Variants in HIVEP1 observed in about 807,000 individuals in gnomAD.
The protein encoded by HIVEP1 is HIVEP zinc finger 1, also known as zinc finger protein 40.
In HIVEP1, 36 loss-of-function variants were observed where a neutral mutation model predicts 180.0. That is an observed-to-expected ratio of 0.20 (90% CI 0.15 to 0.26). The LOEUF is 0.26. HIVEP1 is among the 10% of genes least tolerant of loss of function. The probability of loss-of-function intolerance (pLI) is 1.00; values close to 1 mark genes in which losing one functional copy is unlikely to be tolerated. For missense variants in HIVEP1, 3,143 were observed against 3,268.7 expected, an observed-to-expected ratio of 0.96 and a Z score of 0.94; for synonymous variants, 1,239 against 1,239.0, an observed-to-expected ratio of 1.00 and a Z score of 0.00.
At chr6:12,054,941 C>T (rs931689700) in intron 2 of HIVEP1, among the ~76,000 whole-genome samples, 3 of 152,198 alleles carry the variant, frequency 2.0e-5, no homozygotes, top group African/African-American at 2.4e-5. Flanking sequence ...TCAGTTTGAT[C>T]TACTTTCATT....
chr6:12,051,018 A>ATATATATATATATATATGTG (rs1475506663), intron 2 of HIVEP1, among the ~76,000 whole-genome samples: 49 of 138,394 alleles, frequency 3.5e-4, no homozygotes, highest in African/African-American at 1.3e-3. Flanking sequence ...ATATATATAT[A>ATATATATATATATATATGTG]TATATATATA....
the HIVEP1 span, among the ~76,000 whole-genome samples, chr6:12,194,128 T>C: frequency 6.6e-6 from 1 of 152,182 alleles, no homozygotes; most frequent in Non-Finnish European, 1.5e-5. Flanking sequence ...TCATTAATGA[T>C]GTTTATTGAT....
chr6:12,114,145 A>C (rs529246581), intron 3 of HIVEP1, among the ~76,000 whole-genome samples: 1 of 152,210 alleles, frequency 6.6e-6, no homozygotes, highest in Non-Finnish European at 1.5e-5. Flanking sequence ...TATCCCCAGG[A>C]GAGCGCCTGT....
At chr6:12,046,519 G>A (rs958592838) in intron 2 of HIVEP1, among the ~76,000 whole-genome samples, 1 of 152,146 alleles carries the variant, frequency 6.6e-6, no homozygotes, top group African/African-American at 2.4e-5. Context: ...GGTGGCTCAC[G>A]CCTGTAATCT....
At chr6:12,114,718 G>A (rs1775112192) in intron 3 of HIVEP1, among the ~76,000 whole-genome samples, 1 of 152,166 alleles carries the variant, frequency 6.6e-6, no homozygotes, top group Non-Finnish European at 1.5e-5. Flanking sequence ...TTAAGTGGCT[G>A]TGCCATAATT....
rs138682214 is a variant in HIVEP1, at chr6:12,062,815, G to A, written c.41-26369G>A. Among the ~76,000 whole-genome samples, 186 of 152,306 alleles carry A rather than the reference G, an allele frequency of 1.2e-3. 1 individual carries two copies. The highest frequency in any genetic ancestry group is 4.1e-3 in the African/African-American group (169 of 41,562). On this transcript the variant is annotated intron_variant, in intron 2 of 8. Coordinates refer to ENST00000379388, the MANE Select transcript of HIVEP1 (RefSeq NM_002114.4). ...TGAGAGAAGTTTCTAACACCCACAC[G>A]TTACTGTCATTTTGCGTATTGAAAG...
chr6:12,204,643 G>C, the HIVEP1 span, among the ~76,000 whole-genome samples: 2 of 152,162 alleles, frequency 1.3e-5, no homozygotes, highest in Non-Finnish European at 2.9e-5. Context: ...CCTAGTAATA[G>C]TCACCTAATT....
chr6:12,101,965 A>G (rs1774139563), intron 3 of HIVEP1, among the ~76,000 whole-genome samples: 1 of 138,226 alleles, frequency 7.2e-6, no homozygotes, highest in African/African-American at 2.7e-5. Flanking sequence ...GTTAATATCA[A>G]AAGGGACTTC....
At chr6:12,078,672 T>C (rs13213525) in intron 2 of HIVEP1, among the ~76,000 whole-genome samples, 2 of 128,786 alleles carry the variant, frequency 1.6e-5, no homozygotes, top group Non-Finnish European at 3.7e-5. Flanking sequence ...TACATATATA[T>C]ACACACACTA....
At chr6:12,011,136 T>A (rs1767257497), upstream of HIVEP1, among the ~76,000 whole-genome samples, 1 of 152,202 alleles carries the variant, frequency 6.6e-6, no homozygotes, top group Non-Finnish European at 1.5e-5. Flanking sequence ...GGTTAACATG[T>A]CCCCTTCCAC....
At chr6:12,107,772 G>C (rs960789836) in intron 3 of HIVEP1, among the ~76,000 whole-genome samples, 10 of 152,174 alleles carry the variant, frequency 6.6e-5, no homozygotes, top group African/African-American at 1.9e-4. Flanking sequence ...GGACCCGAGC[G>C]GGTTGCCACT....
chr6:12,123,589 G>A lies in HIVEP1; in HGVS notation c.3794G>A (p.Arg1265His), dbSNP rs368115054. 1.4e-5 allele frequency: 23 copies of A among 1,614,062 alleles called. No individual in the cohort carries two copies. Among genetic ancestry groups the A allele is most frequent in the South Asian group, 3.3e-5 (3 of 91,084 alleles). The change falls in exon 4 of 9, where the codon CGT (arginine) becomes CAT (histidine). Residue 1265 changes from arginine to histidine, a missense_variant. This residue lies in a region of HIVEP1 where 1,357 missense variants were observed against 1,260.5 expected (regional missense o/e 1.08). Transcript: ENST00000379388. ...EKSEKFSWPQRSETLSKLPTE... is the reference protein window; with the variant it reads ...EKSEKFSWPQHSETLSKLPTE... ...TCAGAGAAGTTCAGTTGGCCCCAGC[G>A]TAGTGAAACCTTGTCAAAATTGCCA...
chr6:12,070,405 C>T (rs1041600183), intron 2 of HIVEP1, among the ~76,000 whole-genome samples: 4 of 151,960 alleles, frequency 2.6e-5, no homozygotes, highest in African/African-American at 4.8e-5. Context: ...ATGGATTTTT[C>T]GGCCGGGTGC....
chr6:12,211,181 C>T, the HIVEP1 span, among the ~76,000 whole-genome samples: 4 of 142,942 alleles, frequency 2.8e-5, no homozygotes, highest in Non-Finnish European at 6.0e-5. Context: ...GGGCGGATCA[C>T]GAGGTCAGGA....
At chr6:12,052,142 A>G (rs1770583150) in intron 2 of HIVEP1, among the ~76,000 whole-genome samples, 1 of 152,196 alleles carries the variant, frequency 6.6e-6, no homozygotes. Context: ...GCTTTAGATG[A>G]ATAAAGACAT....
chr6:12,104,393 C>G (rs375680435), intron 3 of HIVEP1, among the ~76,000 whole-genome samples: 1,511 of 96,712 alleles, frequency 0.016, 25 homozygotes, highest in African/African-American at 0.051. Flanking sequence ...TCTCTCTCTT[C>G]GTTTCTCTCT....
In HIVEP1 at chr6:12,163,569, G is replaced by A. The variant is rs74910145; in HGVS notation, c.7265G>A (p.Gly2422Glu). ...TYSTFVPLQA[G>E]PVQLTIPAVS... is the part of the protein sequence containing the mutation. ...TCCACGTTTGTGCCCCTTCAGGCTG[G>A]ACCAGTGCAGCTCACGATCCCTGCT... is the stretch of plus-strand genomic sequence containing the variant. Residue 2422 changes from glycine (G) to glutamate (E), a missense_variant, in exon 9 of 9, where the codon GGA becomes GAA. Transcript: ENST00000379388. 5.7e-4 allele frequency: 918 copies of A among 1,614,186 alleles called. No homozygotes were observed. Among genetic ancestry groups the A allele is most frequent in the Admixed American group, 7.2e-4 (43 of 60,028 alleles).
At chr6:12,071,085 C>T (rs946475117) in intron 2 of HIVEP1, among the ~76,000 whole-genome samples, 1 of 152,214 alleles carries the variant, frequency 6.6e-6, no homozygotes, top group Admixed American at 6.5e-5. Flanking sequence ...TGAAGCATCT[C>T]TCTTGGAATA....
chr6:12,111,390 A>G (rs546496993), intron 3 of HIVEP1, among the ~76,000 whole-genome samples: 3 of 152,386 alleles, frequency 2.0e-5, no homozygotes, highest in African/African-American at 7.2e-5. Context: ...TTAGCAGTTG[A>G]CACAGTACTT....
Sources: allele counts gnomAD v4.1 joint callset (sites outside exome capture counted in the v4.1 genomes callset), GRCh38; gene constraint gnomAD v4.1.1; regional missense constraint gnomAD v4.1.1; transcripts MANE v1.5; gene names NCBI Gene and HGNC (gene_info 2026-07-23, HGNC 2026-07-21).